CLSTN2: variants seen among roughly 807,000 people sequenced by gnomAD.
CLSTN2 encodes the protein calsyntenin 2.
Under a neutral mutation model 101.2 loss-of-function variants are expected in CLSTN2, and 48 were observed. The ratio of observed to expected loss-of-function variants is 0.47; its 90% CI spans 0.38 to 0.60. The LOEUF is 0.60. CLSTN2 is among the 20% of genes least tolerant of loss of function. The probability of loss-of-function intolerance (pLI) is 0.00; values close to 1 mark genes in which losing one functional copy is unlikely to be tolerated. For missense variants in CLSTN2, 1,160 were observed against 1,238.2 expected, an observed-to-expected ratio of 0.94 and a Z score of 0.95; for synonymous variants, 481 against 463.6, an observed-to-expected ratio of 1.04 and a Z score of -0.48.
At chr3:140,002,384 C>A (rs1309938064) in intron 1 of CLSTN2, among the ~76,000 whole-genome samples, 1 of 152,146 alleles carries the variant, frequency 6.6e-6, no homozygotes, top group East Asian at 1.9e-4. Context: ...CTGTTCAAAT[C>A]TTTTGCCCAT....
intron 2 of CLSTN2, among the ~76,000 whole-genome samples, chr3:140,189,858 G>C (rs1467454413): frequency 6.6e-6 from 1 of 152,030 alleles, no homozygotes; most frequent in African/African-American, 2.4e-5. Context: ...GCAGGGCATC[G>C]TCTGAGTTCA....
intron 6 of CLSTN2, among the ~76,000 whole-genome samples, chr3:140,457,975 G>A (rs1423363921): frequency 1.3e-5 from 2 of 152,174 alleles, no homozygotes; most frequent in Non-Finnish European, 2.9e-5. Flanking sequence ...GAGAAGCAGA[G>A]CATCTGGGTT....
intron 8 of CLSTN2, among the ~76,000 whole-genome samples, chr3:140,481,983 A>G (rs181480846): frequency 0.33 from 50,271 of 151,818 alleles, 8,299 homozygotes; most frequent in African/African-American, 0.36. Flanking sequence ...TTCCAACACT[A>G]TGTTGAATAG....
At chr3:140,070,109 T>C (rs1343099228) in intron 1 of CLSTN2, among the ~76,000 whole-genome samples, 10 of 152,214 alleles carry the variant, frequency 6.6e-5, no homozygotes, top group Admixed American at 1.3e-4. Context: ...GGTCCTGCTG[T>C]CAGCACATTT....
intron 1 of CLSTN2, among the ~76,000 whole-genome samples, chr3:139,967,568 G>T (rs536280223): frequency 6.6e-6 from 1 of 152,200 alleles, no homozygotes; most frequent in African/African-American, 2.4e-5. Flanking sequence ...ATCAGGAAAC[G>T]TCACATACAT....
chr3:140,217,670 G>A (rs2010937050), intron 2 of CLSTN2, among the ~76,000 whole-genome samples: 1 of 152,170 alleles, frequency 6.6e-6, no homozygotes, highest in Non-Finnish European at 1.5e-5. Context: ...TAGGATTTGT[G>A]GCATATATGA....
chr3:140,447,970 A>G (rs2108008386), intron 5 of CLSTN2, among the ~76,000 whole-genome samples: 1 of 152,290 alleles, frequency 6.6e-6, no homozygotes, highest in South Asian at 2.1e-4. Flanking sequence ...CCATGACACA[A>G]ATTTACCTAT....
In CLSTN2 at chr3:140,305,058, T is replaced by A. The variant is rs533035155; in HGVS notation, c.233-98571T>A. The stretch of plus-strand genomic sequence containing the variant: ...CACACACACACACACACACACACTC[T>A]CTCTCTCTCTCTCTGTCTCTCTTTC... On this transcript the variant is annotated intron_variant, in intron 2 of 16. Coordinates refer to ENST00000458420, the MANE Select transcript of CLSTN2 (RefSeq NM_022131.3). Among the ~76,000 whole-genome samples, 347 of 145,090 alleles carry A rather than the reference T, an allele frequency of 2.4e-3. 1 individual carries two copies. Among genetic ancestry groups the A allele is most frequent in the African/African-American group, 8.5e-3 (318 of 37,288 alleles).
chr3:140,017,834 T>A (rs889641007), intron 1 of CLSTN2, among the ~76,000 whole-genome samples: 2 of 152,234 alleles, frequency 1.3e-5, no homozygotes, highest in Non-Finnish European at 2.9e-5. Flanking sequence ...TGCAAATGTG[T>A]AGGCCAGTGT....
chr3:140,019,075 A>G (rs1576398794), intron 1 of CLSTN2, among the ~76,000 whole-genome samples: 2 of 152,086 alleles, frequency 1.3e-5, no homozygotes, highest in Non-Finnish European at 1.5e-5. Flanking sequence ...CAAACCACTC[A>G]GAGGAGTCTG....
intron 5 of CLSTN2, among the ~76,000 whole-genome samples, chr3:140,434,001 T>A (rs972054398): frequency 2.0e-5 from 3 of 152,218 alleles, no homozygotes; most frequent in Admixed American, 6.5e-5. Flanking sequence ...TGTTAAATGG[T>A]GGCTTCCTTC....
intron 1 of CLSTN2, among the ~76,000 whole-genome samples, chr3:140,108,033 A>T (rs926655962): frequency 6.6e-6 from 1 of 152,142 alleles, no homozygotes; most frequent in Non-Finnish European, 1.5e-5. Context: ...TTGATAAGGG[A>T]CACCCTCAAG....
At chr3:140,147,217 A>G (rs1431391816) in intron 1 of CLSTN2, among the ~76,000 whole-genome samples, 2 of 152,240 alleles carry the variant, frequency 1.3e-5, no homozygotes, top group African/African-American at 4.8e-5. Flanking sequence ...TACTCACCCT[A>G]GGAAATCAGG....
intron 8 of CLSTN2, among the ~76,000 whole-genome samples, chr3:140,481,334 A>G (rs1455345892): frequency 8.6e-5 from 13 of 150,726 alleles, no homozygotes; most frequent in East Asian, 5.8e-4. Context: ...GTACCATGCT[A>G]TTTTGGTTAC....
At chr3:139,939,458 A>T (rs1381489029) in intron 1 of CLSTN2, among the ~76,000 whole-genome samples, 1 of 152,170 alleles carries the variant, frequency 6.6e-6, no homozygotes, top group African/African-American at 2.4e-5. Context: ...AGTGGTTTTG[A>T]AAGCAGGTCT....
intron 1 of CLSTN2, among the ~76,000 whole-genome samples, chr3:140,134,853 A>C (rs867458728): frequency 4.6e-5 from 7 of 151,942 alleles, no homozygotes; most frequent in African/African-American, 1.7e-4. Context: ...AAGAGCTTCA[A>C]AATACATGCA....
intron 2 of CLSTN2, among the ~76,000 whole-genome samples, chr3:140,213,696 G>T (rs570213988): frequency 6.6e-6 from 1 of 152,184 alleles, no homozygotes; most frequent in Non-Finnish European, 1.5e-5. Context: ...AGGTCTGACC[G>T]TGTGATGGGG....
intron 2 of CLSTN2, among the ~76,000 whole-genome samples, chr3:140,377,652 A>T (rs1289898969): frequency 6.6e-6 from 1 of 152,192 alleles, no homozygotes; most frequent in East Asian, 1.9e-4. Flanking sequence ...GAAAGAAAAC[A>T]TTTTTTTACA....
At chr3:140,039,966 T>G (rs1265529671) in intron 1 of CLSTN2, among the ~76,000 whole-genome samples, 1 of 152,196 alleles carries the variant, frequency 6.6e-6, no homozygotes, top group Non-Finnish European at 1.5e-5. Context: ...TTTCCTTATT[T>G]TAAGACGTTT....
Sources: allele counts gnomAD v4.1 joint callset (sites outside exome capture counted in the v4.1 genomes callset), GRCh38; gene constraint gnomAD v4.1.1; transcripts MANE v1.5; gene names NCBI Gene and HGNC (gene_info 2026-07-23, HGNC 2026-07-21).